SACS: variants seen among roughly 807,000 people sequenced by gnomAD.
SACS encodes sacsin.
Under a neutral mutation model 348.0 loss-of-function variants are expected in SACS, and 197 were observed. The observed-to-expected ratio is 0.57, with a 90% CI of 0.50 to 0.64. The LOEUF is 0.64. Among genes scored for constraint, SACS ranks in the 30% least tolerant of loss-of-function variants. The pLI is 0.00. For missense variants in SACS, 4,999 were observed against 5,360.8 expected (o/e 0.93, Z 2.11); for synonymous variants, 1,985 against 1,910.6 (o/e 1.04, Z -1.02).
At chr13:23,415,626 A>G (rs1038521464) in intron 1 of SACS, among the ~76,000 whole-genome samples, 1 of 152,186 alleles carries the variant, frequency 6.6e-6, no homozygotes, top group Admixed American at 6.5e-5. Context: ...TTTGAGCTAC[A>G]ACATACTACT....
chr13:23,355,343 G>A lies in SACS; in HGVS notation c.1269C>T (p.Ala423=), dbSNP rs377620507. ...ELKFVPIIGI[A]MPLSSRDDEA... ...CATCATCTCTGCTTGATAAAGGCAT[G>A]GCTATTCCAATGATTGGGACAAATT... The change falls in exon 8 of 10, where the codon GCC becomes GCT. Residue 423 remains alanine (A), a synonymous_variant. Transcript: ENST00000382292. 4 of 1,613,892 alleles carry A rather than the reference G, an allele frequency of 2.5e-6. No individual in the cohort carries two copies. Among genetic ancestry groups the A allele is most frequent in the Non-Finnish European group, 2.5e-6 (3 of 1,180,014 alleles).
Position 23,332,818 on chromosome 13 carries a change from CT to C in SACS, c.11057del (p.Gln3686ArgfsTer2). The C allele has an allele frequency of 1.2e-6, 2 of 1,613,790 alleles. No individual in the cohort carries two copies. The highest frequency in any genetic ancestry group is 1.1e-5 in the South Asian group (1 of 91,082). ...TLPLIKFNGA[Q>X]VNPKFKQCDV... Reference sequence around the variant, plus strand: ...CACATTGCTTGAATTTTGGATTTACCTGTGCTCCATTGAACTTTATAAGAGG... The same window carrying C: ...CACATTGCTTGAATTTTGGATTTACCGTGCTCCATTGAACTTTATAAGAGG... On this transcript the variant is annotated frameshift_variant, in exon 10 of 10. Coordinates refer to ENST00000382292, the MANE Select transcript of SACS (RefSeq NM_014363.6). LOFTEE classifies it high-confidence loss of function.
At position 23,329,333 on chromosome 13, in the gene SACS, T is replaced by C; in HGVS notation, c.*803A>G. The C allele has an allele frequency of 3.1e-6, 2 of 654,664 alleles. No individual in the cohort carries two copies. The highest frequency in any genetic ancestry group is 2.9e-5 in the East Asian group (1 of 34,534). The allele number at this position is 654,664 out of a possible 1,614,324, so 40.6% of individuals were successfully genotyped here. A position where few individuals can be genotyped will look rare whatever the true frequency, so the allele number is the denominator to read the frequency against. ...CACACTATATAAATTATAACATTTG[T>C]GGAAAATATGTACACACAAACATAA... On this transcript the variant is annotated 3_prime_UTR_variant, in exon 10 of 10. Transcript: ENST00000382292.
intron 1 of SACS, among the ~76,000 whole-genome samples, chr13:23,412,242 A>G (rs1873518589): frequency 6.6e-6 from 1 of 152,112 alleles, no homozygotes; most frequent in Non-Finnish European, 1.5e-5. Flanking sequence ...CGCCTGGGCA[A>G]CAGAGCCAGA....
chr13:23,360,037 T>C (rs1209258339), intron 6 of SACS, among the ~76,000 whole-genome samples: 1 of 152,106 alleles, frequency 6.6e-6, no homozygotes, highest in Non-Finnish European at 1.5e-5. Context: ...AGCTCTCCAG[T>C]TACAGCCACA....
intron 1 of SACS, among the ~76,000 whole-genome samples, chr13:23,424,331 GCCTGGCTAACATGGAAAAAC>G (rs1400000173): frequency 2.6e-5 from 4 of 152,100 alleles, no homozygotes; most frequent in Non-Finnish European, 5.9e-5. Context: ...TTCGAGAGCA[GCCTGGCTAACATGGAAAAAC>G]CCCGGCTCTA....
In SACS at chr13:23,340,557, C is replaced by T. The variant is rs1233460028; in HGVS notation, c.3319G>A (p.Ala1107Thr). 1 of 1,611,704 alleles carries T rather than the reference C, an allele frequency of 6.2e-7. No homozygotes were observed. Among genetic ancestry groups the T allele is most frequent in the East Asian group, 2.2e-5 (1 of 44,880 alleles). ...SLKEKDVVQV[A>T]KKIEALQVGA... ...ACCTGTAAGGCTTCAATTTTTTTTG[C>T]CACTTGCACAACATCCTTTTCTTTG... Residue 1107 changes from alanine (A) to threonine (T), a missense_variant, in exon 10 of 10, where the codon GCA (alanine) becomes ACA (threonine). Physicochemically the swap from Ala to Thr is moderately conservative, Grantham distance 58. Transcript: ENST00000382292.
rs1868581488 is a variant in SACS, at chr13:23,336,258, G to T, written c.7618C>A (p.Pro2540Thr). The change falls in exon 10 of 10, where the codon CCT becomes ACT. Residue 2540 changes from proline (P) to threonine (T), a missense_variant. This residue lies in a region of SACS where 3,156 missense variants were observed against 3,380.1 expected (regional missense o/e 0.93). Transcript: ENST00000382292. ...SRIKSILNAYPSEKEMLKELL... is the reference protein window; with the variant it reads ...SRIKSILNAYTSEKEMLKELL... Reference sequence around the variant, plus strand: ...TCTTTCAACATTTCCTTTTCAGAAGGATATGCATTAAGGATGCTCTTAATT... The same window carrying T: ...TCTTTCAACATTTCCTTTTCAGAAGTATATGCATTAAGGATGCTCTTAATT... The T allele has an allele frequency of 1.9e-6, 3 of 1,613,996 alleles. No homozygotes were observed. The highest frequency in any genetic ancestry group is 2.2e-5 in the South Asian group (2 of 91,066).
chr13:23,392,055 T>C (rs1299897442), intron 2 of SACS, among the ~76,000 whole-genome samples: 1 of 152,116 alleles, frequency 6.6e-6, no homozygotes, highest in Non-Finnish European at 1.5e-5. Context: ...TGCAGTAAAA[T>C]GGAGCCCGGA....
chr13:23,395,934 A>AT (rs1271774576), intron 2 of SACS, among the ~76,000 whole-genome samples: 9 of 152,286 alleles, frequency 5.9e-5, no homozygotes, highest in African/African-American at 1.9e-4. Context: ...TTATGTGTGT[A>AT]TGGTATTTTT....
At chr13:23,360,110 C>T (rs992371489) in intron 6 of SACS, among the ~76,000 whole-genome samples, 7 of 152,074 alleles carry the variant, frequency 4.6e-5, no homozygotes, top group African/African-American at 1.7e-4. Context: ...AGAACTCTGT[C>T]CACTGCAAAA....
chr13:23,365,760 A>T (rs935494457), intron 5 of SACS, among the ~76,000 whole-genome samples: 1 of 152,168 alleles, frequency 6.6e-6, no homozygotes, highest in Admixed American at 6.5e-5. Flanking sequence ...ATACCCTTCA[A>T]TTGGCTGCTT....
At position 23,341,048 on chromosome 13, in the gene SACS, T is replaced by G. The variant is rs1436018710; in HGVS notation, c.2828A>C (p.Lys943Thr). The G allele has an allele frequency of 3.7e-6, 6 of 1,614,078 alleles. No homozygotes were observed. In the Admixed American group the frequency reaches 5.0e-5, roughly 13 times the overall value. ...GTGTAAGACTTTACAACCTTTCAAT[T>G]TTGTATAAGAGGAAATTCCCTGATC... Reference protein sequence around the residue: ...SSDQGISSYTKLKGCKVLHHT... With the variant: ...SSDQGISSYTTLKGCKVLHHT... The change falls in exon 10 of 10, where the codon AAA becomes ACA. Residue 943 changes from lysine to threonine, a missense_variant. Lys to Thr is a moderately conservative substitution (Grantham distance 78, BLOSUM62 -1). Around this residue, in one of 6 missense-constraint regions of SACS, gnomAD observed 3,156 missense variants for 3,380.1 expected, o/e 0.93. Coordinates refer to ENST00000382292, the MANE Select transcript of SACS (RefSeq NM_014363.6).
intron 1 of SACS, chr13:23,428,871 T>C (rs1233358612): frequency 6.6e-6 from 1 of 152,218 alleles, no homozygotes; most frequent in Non-Finnish European, 1.5e-5. Flanking sequence ...AATAATTTAG[T>C]CTCTTTAGCC....
chr13:23,333,797 C>T lies in SACS; in HGVS notation c.10079G>A (p.Ser3360Asn), dbSNP rs1883647068. 4 of 1,613,798 alleles carry T rather than the reference C, an allele frequency of 2.5e-6. No individual in the cohort carries two copies. Among genetic ancestry groups the T allele is most frequent in the Non-Finnish European group, 2.5e-6 (3 of 1,179,808 alleles). Residue 3360 changes from serine (S) to asparagine (N), a missense_variant, in exon 10 of 10, where the codon AGC (serine) becomes AAC (asparagine). Ser to Asn is a conservative substitution (Grantham distance 46). Coordinates refer to ENST00000382292, the MANE Select transcript of SACS (RefSeq NM_014363.6). ...CHTANIESPT[S>N]ILKALHYMVQ... ...CATATAATGTAGAGCCTTCAAGATG[C>T]TTGTGGGGCTCTCTATATTTGCTGT...
chr13:23,380,136 T>TGTGC (rs1296902344), intron 2 of SACS, among the ~76,000 whole-genome samples: 3 of 52,976 alleles, frequency 5.7e-5, no homozygotes, highest in African/African-American at 1.2e-4. Flanking sequence ...TGTGTGTGTG[T>TGTGC]GTGTGTGTGT....
In SACS at chr13:23,334,276, T is replaced by A. The variant is rs547560214; in HGVS notation, c.9600A>T (p.Leu3200Phe). 1.2e-6 allele frequency: 2 copies of A among 1,605,390 alleles called. No homozygotes were observed. Among genetic ancestry groups the A allele is most frequent in the African/African-American group, 2.7e-5 (2 of 74,176 alleles). The stretch of plus-strand genomic sequence containing the variant: ...ACACTTTTGCAACTTTACAGTTCAA[T>A]AAAATATTACTATATTTCAAATATA... ...NTLYLKYSNILLNCKVAKVFD... is the reference protein window; with the variant it reads ...NTLYLKYSNIFLNCKVAKVFD... Residue 3200 changes from leucine (L) to phenylalanine (F), a missense_variant, in exon 10 of 10, where the codon TTA (leucine) becomes TTT (phenylalanine). Leu to Phe is a conservative substitution (Grantham distance 22). This residue lies in a region of SACS where 734 missense variants were observed against 694.0 expected (regional missense o/e 1.06). Coordinates refer to ENST00000382292, the MANE Select transcript of SACS (RefSeq NM_014363.6).
At chr13:23,343,163 G>A (rs553130988) in intron 9 of SACS, among the ~76,000 whole-genome samples, 7 of 152,200 alleles carry the variant, frequency 4.6e-5, no homozygotes, top group African/African-American at 1.4e-4. Context: ...GGTTGAAGGG[G>A]GCAGTTTTTA....
chr13:23,414,071 G>T (rs546011707), intron 1 of SACS, among the ~76,000 whole-genome samples: 1 of 152,160 alleles, frequency 6.6e-6, no homozygotes, highest in Non-Finnish European at 1.5e-5. Flanking sequence ...TTGGGAGGCC[G>T]AGGCAGGAGG....
Sources: gnomAD v4.1 joint callset for allele counts (sites outside exome capture counted in the v4.1 genomes callset) on GRCh38, gnomAD v4.1.1 for gene constraint, gnomAD v4.1.1 regional missense constraint, MANE v1.5 for transcripts, NCBI Gene and HGNC (gene_info 2026-07-23, HGNC 2026-07-21) for gene names.